The following SDK1 variants were observed in gnomAD, a reference collection of about 807,000 sequenced individuals.
SDK1 encodes protein sidekick-1.
A neutral mutation model predicts 245.5 loss-of-function variants in SDK1; 157 were observed. That is an observed-to-expected ratio of 0.64 (90% CI 0.56 to 0.73). The LOEUF (loss-of-function observed/expected upper bound fraction) is 0.73, where lower values mean the gene tolerates loss of function less well. Among genes scored for constraint, SDK1 ranks in the 30% least tolerant of loss-of-function variants. SDK1 has a pLI of 0.00. For missense variants in SDK1, 3,583 were observed against 3,002.3 expected (o/e 1.19, Z -4.52); for synonymous variants, 1,647 against 1,278.5 (o/e 1.29, Z -6.15).
At chr7:4,009,466 G>A (rs1785764943) in intron 14 of SDK1, among the ~76,000 whole-genome samples, 1 of 152,210 alleles carries the variant, frequency 6.6e-6, no homozygotes, top group Non-Finnish European at 1.5e-5. Context: ...AGTAAAAAGG[G>A]AAGTTGCTGT....
intron 1 of SDK1, among the ~76,000 whole-genome samples, chr7:3,390,928 G>T (rs1459008158): frequency 6.6e-6 from 1 of 152,096 alleles, no homozygotes; most frequent in Non-Finnish European, 1.5e-5. Flanking sequence ...TAAAATAGTG[G>T]ACTCTAACAA....
At chr7:3,409,047 A>C (rs889589733) in intron 1 of SDK1, among the ~76,000 whole-genome samples, 1 of 152,210 alleles carries the variant, frequency 6.6e-6, no homozygotes, top group African/African-American at 2.4e-5. Flanking sequence ...GAAACATAAG[A>C]ATGGCATAAC....
intron 1 of SDK1, among the ~76,000 whole-genome samples, chr7:3,546,345 A>G (rs1771440563): frequency 1.3e-5 from 2 of 152,200 alleles, no homozygotes; most frequent in African/African-American, 4.8e-5. Flanking sequence ...CGGCCCCTCT[A>G]ATCCTCTGTT....
intron 1 of SDK1, among the ~76,000 whole-genome samples, chr7:3,592,977 G>C (rs1266658798): frequency 6.6e-6 from 1 of 152,162 alleles, no homozygotes. Context: ...TTGTACCTAG[G>C]ACAAGATTAC....
intron 1 of SDK1, among the ~76,000 whole-genome samples, chr7:3,304,787 T>A (rs537750102): frequency 6.6e-6 from 1 of 152,296 alleles, no homozygotes; most frequent in South Asian, 2.1e-4. Context: ...TCCTGGAAAC[T>A]CTCTAGCCCA....
At chr7:4,117,888 T>C (rs983983124) in intron 25 of SDK1, among the ~76,000 whole-genome samples, 3 of 152,218 alleles carry the variant, frequency 2.0e-5, no homozygotes, top group African/African-American at 7.2e-5. Flanking sequence ...GCTGAAACTC[T>C]GCCTGCAGAG....
At chr7:4,017,032 A>G (rs1332554507) in intron 16 of SDK1, 139 bp from the exon 17 acceptor site, 7 of 710,144 alleles carry the variant, frequency 9.9e-6, no homozygotes, top group Non-Finnish European at 1.5e-5. Flanking sequence ...GGGAAATAGT[A>G]TTGTTTAGGG....
At chr7:4,139,701 GTGTA>G (rs1210734831) in intron 28 of SDK1, among the ~76,000 whole-genome samples, 3 of 62,106 alleles carry the variant, frequency 4.8e-5, no homozygotes, top group Non-Finnish European at 7.4e-5. Flanking sequence ...ATGTGTGTGT[GTGTA>G]TGTGTGTGTG....
chr7:4,225,479 C>T (rs1381041538), intron 40 of SDK1, among the ~76,000 whole-genome samples: 1 of 152,112 alleles, frequency 6.6e-6, no homozygotes, highest in Non-Finnish European at 1.5e-5. Context: ...ACGCTGTGAA[C>T]ACATCTCAGC....
In SDK1 at chr7:3,962,824, C is replaced by A; in HGVS notation, c.1402C>A (p.Gln468Lys). Reference sequence around the variant, plus strand: ...CGCCAGCAATGAAGGAGGGGAGATCCAGACCCACACCTACCTGGATGTAAC... The same window carrying A: ...CGCCAGCAATGAAGGAGGGGAGATCAAGACCCACACCTACCTGGATGTAAC... ...CFASNEGGEI[Q>K]THTYLDVTNI... The change falls in exon 9 of 45, where the codon CAG (glutamine) becomes AAG (lysine). Residue 468 changes from glutamine to lysine, a missense_variant. Transcript: ENST00000404826. The A allele has an allele frequency of 6.2e-7, 1 of 1,613,120 alleles. No homozygotes were observed. The highest frequency in any genetic ancestry group is 2.2e-5 in the East Asian group (1 of 44,858).
intron 4 of SDK1, among the ~76,000 whole-genome samples, chr7:3,669,696 A>C (rs970087579): frequency 6.6e-6 from 1 of 152,138 alleles, no homozygotes; most frequent in Non-Finnish European, 1.5e-5. Context: ...CAAGCTCATC[A>C]GCTCACATAC....
chr7:3,659,526 G>T (rs187410434), intron 4 of SDK1, among the ~76,000 whole-genome samples: 41 of 152,288 alleles, frequency 2.7e-4, no homozygotes, highest in African/African-American at 9.9e-4. Flanking sequence ...TGTGTTCCAA[G>T]GCCGAAAGGG....
intron 22 of SDK1, among the ~76,000 whole-genome samples, chr7:4,100,579 C>G (rs962961647): frequency 1.3e-5 from 2 of 152,136 alleles, no homozygotes; most frequent in African/African-American, 4.8e-5. Flanking sequence ...GAGTGCCCCT[C>G]TCCTTCCACC....
chr7:4,178,524 C>T lies in SDK1; in HGVS notation c.5036C>T (p.Ala1679Val), dbSNP rs1395226033. Residue 1679 changes from alanine to valine, a missense_variant, in exon 35 of 45, where the codon GCC (alanine) becomes GTC (valine). By Grantham distance (64) the Ala-to-Val change is moderately conservative (BLOSUM62 0). Coordinates refer to ENST00000404826, the MANE Select transcript of SDK1 (RefSeq NM_152744.4). Reference sequence around the variant, plus strand: ...CGGCGCTATGAAGTAATAATGACCGCCTATAACATCATCGGCGAGAGCCCA... The same window carrying T: ...CGGCGCTATGAAGTAATAATGACCGTCTATAACATCATCGGCGAGAGCCCA... ...KYRRYEVIMT[A>V]YNIIGESPAS... 1 of 1,614,028 alleles carries T rather than the reference C, an allele frequency of 6.2e-7. No individual in the cohort carries two copies. The highest frequency in any genetic ancestry group is 1.3e-5 in the African/African-American group (1 of 75,060).
chr7:4,078,417 C>A (rs1470547935), intron 21 of SDK1, among the ~76,000 whole-genome samples: 1 of 152,074 alleles, frequency 6.6e-6, no homozygotes, highest in East Asian at 1.9e-4. Context: ...TTTTCTATTT[C>A]AAATTCATTA....
Position 3,545,175 on chromosome 7 carries a change from C to T in SDK1, c.299-73905C>T, listed in dbSNP as rs1294574810. 4.6e-5 allele frequency among the ~76,000 whole-genome samples: 7 copies of T among 152,220 alleles called. No individual in the cohort carries two copies. The South Asian group carries it at 1.5e-3, about 32-fold the overall frequency. ...AGAGTTTTAATTGACGCCTAACAGACCTTTGCTGGGCTCATTTCCATACTG... is the reference window on the plus strand; with the variant it reads ...AGAGTTTTAATTGACGCCTAACAGATCTTTGCTGGGCTCATTTCCATACTG... On this transcript the variant is annotated intron_variant, in intron 1 of 44. Transcript: ENST00000404826.
intron 5 of SDK1, among the ~76,000 whole-genome samples, chr7:3,865,666 G>A (rs375601679): frequency 6.6e-6 from 1 of 151,424 alleles, no homozygotes; most frequent in Non-Finnish European, 1.5e-5. Flanking sequence ...GTACCACCAC[G>A]TCTGGCTTAT....
At chr7:3,464,194 T>G (rs1036361730) in intron 1 of SDK1, among the ~76,000 whole-genome samples, 6 of 152,198 alleles carry the variant, frequency 3.9e-5, no homozygotes, top group African/African-American at 1.4e-4. Flanking sequence ...AAGCAGTTTT[T>G]TGGGGACAGA....
In SDK1 at chr7:3,416,756, G is replaced by A. The variant is rs112297753; in HGVS notation, c.298+114872G>A. Among the ~76,000 whole-genome samples the A allele has an allele frequency of 5.0e-3, 758 of 152,246 alleles. 8 individuals carry two copies. The highest frequency in any genetic ancestry group is 0.017 in the African/African-American group (693 of 41,544). ...TCCAGCACATTTACCAGAAGCCTCT[G>A]GGGTTGTGTGTGACCATGCCTCGAA... On this transcript the variant is annotated intron_variant, in intron 1 of 44. Transcript: ENST00000404826.
Sources: allele counts gnomAD v4.1 joint callset (sites outside exome capture counted in the v4.1 genomes callset), GRCh38; gene constraint gnomAD v4.1.1; transcripts MANE v1.5; gene names NCBI Gene and HGNC (gene_info 2026-07-23, HGNC 2026-07-21).